The following GORASP2 variants were observed in gnomAD, a reference collection of about 807,000 sequenced individuals.
GORASP2 encodes Golgi reassembly-stacking protein 2.
A neutral mutation model predicts 45.7 loss-of-function variants in GORASP2; 22 were observed. The ratio of observed to expected loss-of-function variants is 0.48; its 90% CI spans 0.34 to 0.69. GORASP2 has a LOEUF of 0.69. Among genes scored for constraint, GORASP2 ranks in the 30% least tolerant of loss-of-function variants. GORASP2 has a pLI of 0.01. For synonymous variants in GORASP2, 221 were observed against 215.6 expected (o/e 1.02, Z -0.22); for missense variants, 491 against 562.7 (o/e 0.87, Z 1.29).
intron 6 of GORASP2, 67 bp from the exon 7 acceptor site, chr2:170,956,369 C>G: frequency 2.1e-6 from 3 of 1,402,658 alleles, no homozygotes; most frequent in Non-Finnish European, 2.9e-6. Context: ...CAAGTAAGAG[C>G]CAATATTTAT....
Position 170,943,873 on chromosome 2 carries a change from A to G in GORASP2, c.64-4477A>G, listed in dbSNP as rs147996395. ...AAAATTTTTGTAGAGATGGAGTCTC[A>G]CTTTGTTGCCCAAGCTGGTCTTGAA... On this transcript the variant is annotated intron_variant, in intron 1 of 9. Coordinates refer to ENST00000234160, the MANE Select transcript of GORASP2 (RefSeq NM_015530.5). Among the ~76,000 whole-genome samples the G allele has an allele frequency of 7.6e-3, 1,164 of 152,168 alleles. 18 individuals are homozygous for G. The highest frequency in any genetic ancestry group is 0.026 in the African/African-American group (1,088 of 41,508).
At chr2:170,948,468 G>A in intron 2 of GORASP2, 38 bp downstream of exon 2, 1 of 1,122,392 alleles carries the variant, frequency 8.9e-7, no homozygotes, top group South Asian at 1.3e-5. Context: ...TATAGTATTT[G>A]TAATCTCTCA....
At chr2:170,929,450 C>CCTG in intron 1 of GORASP2, 47 bp downstream of exon 1, 1 of 1,308,798 alleles carries the variant, frequency 7.6e-7, no homozygotes, top group Non-Finnish European at 9.8e-7. Context: ...GGAGGCGGGG[C>CCTG]CGGCCGCGGG....
chr2:170,948,038 C>A (rs114818878), intron 1 of GORASP2, among the ~76,000 whole-genome samples: 513 of 152,226 alleles, frequency 3.4e-3, no homozygotes, highest in Admixed American at 5.8e-3. Context: ...GCACAAGAAT[C>A]GCTTGAATCA....
intron 1 of GORASP2, among the ~76,000 whole-genome samples, chr2:170,930,988 A>AAAC (rs1553595034): frequency 5.4e-5 from 8 of 146,974 alleles, no homozygotes; most frequent in East Asian, 2.0e-4. Flanking sequence ...AAAAAAAAAA[A>AAAC]AAGTCGCGTG....
In GORASP2 at chr2:170,954,533, C is replaced by T. The variant is rs998978148; in HGVS notation, c.567-117C>T. On this transcript the variant is annotated intron_variant, in intron 5 of 9. Transcript: ENST00000234160. ...TTTTAAAATCTCAAAGAAGGGAGTGCATGTTCAGGGCAACTTGAATCTATG... is the reference window on the plus strand; with the variant it reads ...TTTTAAAATCTCAAAGAAGGGAGTGTATGTTCAGGGCAACTTGAATCTATG... 5.2e-5 allele frequency: 36 copies of T among 691,932 alleles called. No individual in the cohort carries two copies. In the Admixed American group the frequency reaches 9.3e-4, roughly 18 times the overall value. 42.9% of individuals were successfully genotyped at this position (691,932 alleles called of 1,614,324 possible).
chr2:170,945,718 C>T (rs1704167586), intron 1 of GORASP2, among the ~76,000 whole-genome samples: 1 of 152,140 alleles, frequency 6.6e-6, no homozygotes, highest in Non-Finnish European at 1.5e-5. Context: ...TTTACTTCTT[C>T]TGAGACAATA....
intron 1 of GORASP2, among the ~76,000 whole-genome samples, chr2:170,946,364 T>C (rs1408862437): frequency 6.6e-6 from 1 of 152,098 alleles, no homozygotes; most frequent in African/African-American, 2.4e-5. Context: ...TGGGAAAATA[T>C]TTTGGAAAAA....
At chr2:170,960,227 A>T (rs1380915326) in intron 7 of GORASP2, among the ~76,000 whole-genome samples, 1 of 152,208 alleles carries the variant, frequency 6.6e-6, no homozygotes, top group Non-Finnish European at 1.5e-5. Flanking sequence ...CATGTTGTAA[A>T]GTGCCTCAGT....
chr2:170,951,141 G>A lies in GORASP2; in HGVS notation c.436-187G>A, dbSNP rs138137666. Among the ~76,000 whole-genome samples, 11 of 152,302 alleles carry A rather than the reference G, an allele frequency of 7.2e-5. No homozygotes were observed. In the East Asian group the frequency reaches 1.9e-3, roughly 27 times the overall value. ...AGGAACTGGCCATAAAGCCTTGTAT[G>A]TAGTAAGTAGGCTTTGCTTGAATTA... On this transcript the variant is annotated intron_variant, in intron 4 of 9. Transcript: ENST00000234160.
chr2:170,931,770 A>C (rs1196171599), intron 1 of GORASP2, among the ~76,000 whole-genome samples: 1 of 152,204 alleles, frequency 6.6e-6, no homozygotes. Flanking sequence ...TGGATTCAGA[A>C]GTTCTGCTAT....
chr2:170,956,554 G>A lies in GORASP2; in HGVS notation c.818G>A (p.Ser273Asn), dbSNP rs1439878439. The change falls in exon 7 of 10, where the codon AGT becomes AAT. Residue 273 changes from serine to asparagine, a missense_variant. Ser to Asn is a conservative substitution (Grantham distance 46). This residue lies in a region of GORASP2 where 297 missense variants were observed against 292.3 expected (regional missense o/e 1.02). Transcript: ENST00000234160. Reference sequence around the variant, plus strand: ...CCACCAGCTGTCAGTAGTGTTCTCAGTACAGGTGTGCAGAAAAATATATTC... The same window carrying A: ...CCACCAGCTGTCAGTAGTGTTCTCAATACAGGTGTGCAGAAAAATATATTC... Reference protein sequence around the residue: ...STPPAVSSVLSTGVPTVPLLP... With the variant: ...STPPAVSSVLNTGVPTVPLLP... 1 of 1,601,496 alleles carries A rather than the reference G, an allele frequency of 6.2e-7. No individual in the cohort carries two copies. The highest frequency in any genetic ancestry group is 1.1e-5 in the South Asian group (1 of 87,976).
intron 6 of GORASP2, 105 bp from the exon 7 acceptor site, chr2:170,956,331 T>C (rs374630699): frequency 2.1e-6 from 2 of 970,346 alleles, no homozygotes; most frequent in Non-Finnish European, 3.0e-6. Flanking sequence ...TGACAGCTCA[T>C]GTGTGAACCA....
chr2:170,947,859 A>G (rs1389053427), intron 1 of GORASP2, among the ~76,000 whole-genome samples: 1 of 152,136 alleles, frequency 6.6e-6, no homozygotes, highest in African/African-American at 2.4e-5. Context: ...AGTGGCTCAC[A>G]CCTGTAATCC....
At chr2:170,953,590 G>A (rs973873932) in intron 5 of GORASP2, among the ~76,000 whole-genome samples, 2 of 152,158 alleles carry the variant, frequency 1.3e-5, no homozygotes, top group African/African-American at 4.8e-5. Context: ...CCACGGTCAG[G>A]ACTTCCGATA....
intron 1 of GORASP2, among the ~76,000 whole-genome samples, chr2:170,938,767 G>T (rs753493118): frequency 1.3e-5 from 2 of 152,180 alleles, no homozygotes; most frequent in African/African-American, 2.4e-5. Context: ...CCGAGGCGGT[G>T]ATCACCTGAG....
At chr2:170,960,122 A>G (rs1704521070) in intron 7 of GORASP2, among the ~76,000 whole-genome samples, 1 of 152,058 alleles carries the variant, frequency 6.6e-6, no homozygotes, top group Non-Finnish European at 1.5e-5. Flanking sequence ...TGCCTGGCCC[A>G]AGTGTATCAC....
chr2:170,947,933 C>T (rs1213186269), intron 1 of GORASP2, among the ~76,000 whole-genome samples: 1 of 151,998 alleles, frequency 6.6e-6, no homozygotes, highest in African/African-American at 2.4e-5. Flanking sequence ...CCAGCCTGGG[C>T]AATAAGGCGA....
At chr2:170,960,302 A>G (rs1449791652) in intron 7 of GORASP2, among the ~76,000 whole-genome samples, 1 of 152,202 alleles carries the variant, frequency 6.6e-6, no homozygotes, top group African/African-American at 2.4e-5. Flanking sequence ...GACCACACTC[A>G]ACTATCCATT....
Sources: gnomAD v4.1 joint callset for allele counts (sites outside exome capture counted in the v4.1 genomes callset) on GRCh38, gnomAD v4.1.1 for gene constraint, gnomAD v4.1.1 regional missense constraint, MANE v1.5 for transcripts, NCBI Gene and HGNC (gene_info 2026-07-23, HGNC 2026-07-21) for gene names.